SNRNP200: variants seen among roughly 807,000 people sequenced by gnomAD.
SNRNP200 encodes small nuclear ribonucleoprotein U5 subunit 200, also known as U5 small nuclear ribonucleoprotein 200 kDa helicase.
SNRNP200 carries 66 observed loss-of-function variants against 255.2 expected under a neutral mutation model. The ratio of observed to expected loss-of-function variants is 0.26; its 90% CI spans 0.21 to 0.32. The LOEUF (loss-of-function observed/expected upper bound fraction) is 0.32, where lower values mean the gene tolerates loss of function less well. Among genes scored for constraint, SNRNP200 ranks in the 10% least tolerant of loss-of-function variants. The pLI, the probability that SNRNP200 is intolerant of heterozygous loss-of-function variation, is 1.00. For synonymous variants in SNRNP200, 939 were observed against 1,027.8 expected (o/e 0.91, Z 1.65); for missense variants, 1,585 against 2,749.8 (o/e 0.58, Z 9.47).
chr2:96,291,419 C>T lies in SNRNP200; in HGVS notation c.2394G>A (p.Glu798=). The T allele has an allele frequency of 2.5e-6, 4 of 1,611,258 alleles. No homozygotes were observed. Among genetic ancestry groups the T allele is most frequent in the South Asian group, 1.1e-5 (1 of 91,036 alleles). The stretch of plus-strand genomic sequence containing the variant: ...GAATATGTTTATCAGCAAAAAGATC[C>T]TCCACGAGTGTTCGGTCAACCCTGG... The part of the protein sequence containing the change: ...GMTRVDRTLV[E]DLFADKHIQV... Residue 798 remains glutamate, a synonymous_variant, in exon 18 of 45, where the codon GAG becomes GAA. Coordinates refer to ENST00000323853, the MANE Select transcript of SNRNP200 (RefSeq NM_014014.5). The surrounding 1 kb of genome is among the most constrained non-coding windows in gnomAD (Gnocchi z 4.2).
At chr2:96,296,086 T>C (rs901614513) in intron 13 of SNRNP200, among the ~76,000 whole-genome samples, 1 of 152,174 alleles carries the variant, frequency 6.6e-6, no homozygotes, top group South Asian at 2.1e-4. Flanking sequence ...TGAGCCATGA[T>C]TGTGCCATTG....
At position 96,287,062 on chromosome 2, in the gene SNRNP200, G is replaced by A. The variant is rs752513642; in HGVS notation, c.3583C>T (p.Arg1195Cys). The change falls in exon 27 of 45, where the codon CGC (arginine) becomes TGC (cysteine). Residue 1195 changes from arginine (R) to cysteine (C), a missense_variant. Coordinates refer to ENST00000323853, the MANE Select transcript of SNRNP200 (RefSeq NM_014014.5). This position sits in a 1 kb window ranked among gnomAD's most constrained non-coding sequence, Gnocchi z 5.7. ...GTCAGCTCCACCTTCAGGGTGGAGC[G>A]TGTGATAGGCTGCAGGTGCACTGAC... ...ELSVHLQPIT[R>C]STLKVELTIT... is the part of the protein sequence containing the mutation. 2 of 1,614,008 alleles carry A rather than the reference G, an allele frequency of 1.2e-6. No homozygotes were observed. Among genetic ancestry groups the A allele is most frequent in the South Asian group, 1.1e-5 (1 of 91,080 alleles).
chr2:96,296,502 C>T (rs1016329049), intron 13 of SNRNP200, 34 bp downstream of exon 13: 15 of 1,611,366 alleles, frequency 9.3e-6, no homozygotes, highest in Non-Finnish European at 1.3e-5. Flanking sequence ...TAGGTGCACC[C>T]AGTATCCTCT....
At position 96,283,999 on chromosome 2, in the gene SNRNP200, G is replaced by T; in HGVS notation, c.4398C>A (p.Val1466=). 1 of 977,602 alleles carries T rather than the reference G, an allele frequency of 1.0e-6. No individual in the cohort carries two copies. Among genetic ancestry groups the T allele is most frequent in the South Asian group, 1.3e-5 (1 of 75,966 alleles). 60.6% of individuals were successfully genotyped at this position (977,602 alleles called of 1,614,324 possible). Residue 1466 remains valine, a synonymous_variant, in exon 32 of 45, where the codon GTC becomes GTA. Coordinates refer to ENST00000323853, the MANE Select transcript of SNRNP200 (RefSeq NM_014014.5). The surrounding 1 kb of genome is among the most constrained non-coding windows in gnomAD (Gnocchi z 4.7). ...VHLIGGENGP[V]LEVICSRMRY... ...GCATTCGGGAGCAGATCACTTCTAAGACAGGCTGGAAAGAGGGAGGGAGGG... is the reference window on the plus strand; with the variant it reads ...GCATTCGGGAGCAGATCACTTCTAATACAGGCTGGAAAGAGGGAGGGAGGG...
Position 96,274,925 on chromosome 2 carries a change from C to A in SNRNP200, c.*87G>T. 6.5e-7 allele frequency: 1 copy of A among 1,530,776 alleles called. No homozygotes were observed. The highest frequency in any genetic ancestry group is 9.0e-7 in the Non-Finnish European group (1 of 1,109,656). The allele number at this position is 1,530,776 out of a possible 1,614,324, so 94.8% of individuals were successfully genotyped here. On this transcript the variant is annotated 3_prime_UTR_variant, in exon 45 of 45. Transcript: ENST00000323853. ...CTGGCCAGACCTGAGGCCCACAGAC[C>A]TGGTCCCCACAACCAGGATTCCTAC...
In SNRNP200 at chr2:96,284,322, C is replaced by T. The variant is rs372561979; in HGVS notation, c.4392+36G>A. On this transcript the variant is annotated intron_variant, in intron 31 of 44. Transcript: ENST00000323853. ...CAATGCCAAGGCCACTTGGTCAGTCCCAGTCCCTCATCTGTGCTGCAAGGT... is the reference window on the plus strand; with the variant it reads ...CAATGCCAAGGCCACTTGGTCAGTCTCAGTCCCTCATCTGTGCTGCAAGGT... 2.4e-5 allele frequency: 38 copies of T among 1,574,848 alleles called. No homozygotes were observed. The African/African-American group carries it at 4.7e-4, about 20-fold the overall frequency.
chr2:96,275,482 AGATTT>A (rs1450200258), intron 43 of SNRNP200, 133 bp from the exon 44 acceptor site: 1 of 787,498 alleles, frequency 1.3e-6, no homozygotes, highest in Non-Finnish European at 2.2e-6. Flanking sequence ...AAATACAATT[AGATTT>A]AACATTTTAA....
chr2:96,276,972 C>A lies in SNRNP200; in HGVS notation c.6106G>T (p.Val2036Leu). Residue 2036 changes from valine to leucine, a missense_variant, in exon 43 of 45, where the codon GTG becomes TTG. By Grantham distance (32) the Val-to-Leu change is conservative (BLOSUM62 1). Transcript: ENST00000323853. ...KDSIRSGGPV[V>L]VLVQLEREEE... ...TCTCGCTCCAGCTGCACCAGCACCA[C>A]AACTGGCCCGCCACTGCAGGGGGAG... The A allele has an allele frequency of 6.2e-7, 1 of 1,613,950 alleles. No homozygotes were observed. The highest frequency in any genetic ancestry group is 8.5e-7 in the Non-Finnish European group (1 of 1,180,038).
rs1301586766 is a variant in SNRNP200, at chr2:96,279,126, C to T, written c.5134-128G>A. 1.3e-4 allele frequency: 104 copies of T among 778,130 alleles called. No homozygotes were observed. In the South Asian group the frequency reaches 1.5e-3, roughly 11 times the overall value. 48.2% of individuals were successfully genotyped at this position (778,130 alleles called of 1,614,324 possible). A position where few individuals can be genotyped will look rare whatever the true frequency, so the allele number is the denominator to read the frequency against. Reference sequence around the variant, plus strand: ...ACTAATACCAAAATGGAAGAAGCCACACATTTAGAAAGTGCATCACTGGTG... The same window carrying T: ...ACTAATACCAAAATGGAAGAAGCCATACATTTAGAAAGTGCATCACTGGTG... On this transcript the variant is annotated intron_variant, in intron 36 of 44. Transcript: ENST00000323853.
intron 13 of SNRNP200, among the ~76,000 whole-genome samples, chr2:96,296,320 C>T (rs936719497): frequency 2.0e-5 from 3 of 152,152 alleles, no homozygotes; most frequent in African/African-American, 7.2e-5. Flanking sequence ...AGATGCTAAC[C>T]CTTGTAAAAG....
Position 96,277,913 on chromosome 2 carries a change from T to C in SNRNP200, c.5648A>G (p.Lys1883Arg). 6.2e-7 allele frequency: 1 copy of C among 1,614,210 alleles called. No homozygotes were observed. The highest frequency in any genetic ancestry group is 8.5e-7 in the Non-Finnish European group (1 of 1,180,044). Residue 1883 changes from lysine (K) to arginine (R), a missense_variant, in exon 40 of 45, where the codon AAG (lysine) becomes AGG (arginine). Lys to Arg is a conservative substitution (Grantham distance 26). Around this residue, in one of 9 missense-constraint regions of SNRNP200, gnomAD observed 279 missense variants for 551.2 expected, o/e 0.51. Coordinates refer to ENST00000323853, the MANE Select transcript of SNRNP200 (RefSeq NM_014014.5). The surrounding 1 kb of genome is among the most constrained non-coding windows in gnomAD (Gnocchi z 4.4). ...QKVPHKLNNP[K>R]FNDPHVKTNL... ...GGTCTTGACGTGCGGATCATTGAACTTAGGGTTATTCAGCTTGTGGGGGAC... is the reference window on the plus strand; with the variant it reads ...GGTCTTGACGTGCGGATCATTGAACCTAGGGTTATTCAGCTTGTGGGGGAC...
At position 96,277,249 on chromosome 2, in the gene SNRNP200, G is replaced by C; in HGVS notation, c.5932-8C>G. On this transcript the variant is annotated splice_polypyrimidine_tract_variant and splice_region_variant and intron_variant, in intron 41 of 44. Coordinates refer to ENST00000323853, the MANE Select transcript of SNRNP200 (RefSeq NM_014014.5). This position sits in a 1 kb window ranked among gnomAD's most constrained non-coding sequence, Gnocchi z 4.4. ...GAAAACACTCTCCACTCCCTGCAGTGAGTATTCAGACGTCAGGAAAGAGAG... is the reference window on the plus strand; with the variant it reads ...GAAAACACTCTCCACTCCCTGCAGTCAGTATTCAGACGTCAGGAAAGAGAG... 6.2e-7 allele frequency: 1 copy of C among 1,614,022 alleles called. No homozygotes were observed. Among genetic ancestry groups the C allele is most frequent in the Non-Finnish European group, 8.5e-7 (1 of 1,179,968 alleles).
Position 96,293,013 on chromosome 2 carries a change from T to G in SNRNP200, c.2119A>C (p.Ile707Leu), listed in dbSNP as rs971636955. 1 of 1,614,058 alleles carries G rather than the reference T, an allele frequency of 6.2e-7. No homozygotes were observed. The highest frequency in any genetic ancestry group is 1.3e-5 in the African/African-American group (1 of 74,926). ...TGTTCCATGATTTTTTCATAGACGA[T>G]TTCATTCATGATCTGGAAACGCTTG... ...AIKRFQIMNE[I>L]VYEKIMEHAG... Residue 707 changes from isoleucine to leucine, a missense_variant, in exon 16 of 45, where the codon ATC (isoleucine) becomes CTC (leucine). By Grantham distance (5) the Ile-to-Leu change is conservative. Transcript: ENST00000323853.
chr2:96,276,860 A>T (rs781533468), intron 43 of SNRNP200, 44 bp downstream of exon 43: 2 of 1,570,232 alleles, frequency 1.3e-6, no homozygotes, highest in Non-Finnish European at 1.8e-6. Context: ...TAGCCAATGG[A>T]TAGGGTGAGT....
chr2:96,299,362 G>A lies in SNRNP200; in HGVS notation c.696C>T (p.Asp232=), dbSNP rs144761908. ...AGAGGGTGCAGCGCACGACAGCCTC[G>A]TCCCCTTCCATGTCATCATCAGATG... ...EEASDDDMEG[D]EAVVRCTLSA... Residue 232 remains aspartate, a synonymous_variant, in exon 6 of 45, where the codon GAC becomes GAT. Transcript: ENST00000323853. 39 of 1,614,016 alleles carry A rather than the reference G, an allele frequency of 2.4e-5. No homozygotes were observed. The highest frequency in any genetic ancestry group is 2.3e-4 in the African/African-American group (17 of 75,032).
Position 96,290,446 on chromosome 2 carries a change from C to T in SNRNP200, c.2622G>A (p.Gly874=). ...GGAGGGACAGGTAGTACTGTAGCTCCCCATGAGATGTGATGAGTATGCCTT... is the reference window on the plus strand; with the variant it reads ...GGAGGGACAGGTAGTACTGTAGCTCTCCATGAGATGTGATGAGTATGCCTT... ...KGEGILITSH[G]ELQYYLSLLN... Residue 874 remains glycine, a synonymous_variant, in exon 20 of 45, where the codon GGG becomes GGA. Transcript: ENST00000323853. The surrounding 1 kb of genome is among the most constrained non-coding windows in gnomAD (Gnocchi z 4.5). The T allele has an allele frequency of 6.2e-7, 1 of 1,614,160 alleles. No homozygotes were observed. The highest frequency in any genetic ancestry group is 8.5e-7 in the Non-Finnish European group (1 of 1,180,028).
At position 96,277,492 on chromosome 2, in the gene SNRNP200, G is replaced by A. The variant is rs188004395; in HGVS notation, c.5931+47C>T. On this transcript the variant is annotated intron_variant, in intron 41 of 44. Transcript: ENST00000323853. The surrounding 1 kb of genome is among the most constrained non-coding windows in gnomAD (Gnocchi z 4.4). ...CAACCCACGCTCGGTCCACAACACT[G>A]GGCTCTCAGGCTCACCCACCTGACC... is the stretch of plus-strand genomic sequence containing the variant. The A allele has an allele frequency of 1.2e-6, 2 of 1,606,430 alleles. No individual in the cohort carries two copies. The highest frequency in any genetic ancestry group is 3.3e-5 in the Admixed American group (2 of 59,990).
At chr2:96,294,941 T>C (rs1010874697) in intron 14 of SNRNP200, among the ~76,000 whole-genome samples, 5 of 152,318 alleles carry the variant, frequency 3.3e-5, no homozygotes, top group Middle Eastern at 3.4e-3. Context: ...CTAGGCGCAG[T>C]GGCTCACGCT....
At chr2:96,300,712 C>T (rs905486872) in intron 5 of SNRNP200, among the ~76,000 whole-genome samples, 2 of 151,446 alleles carry the variant, frequency 1.3e-5, no homozygotes, top group Admixed American at 1.3e-4. Context: ...TGCAGTGAGC[C>T]GAGATCGCAC....
Sources: gnomAD v4.1 joint callset for allele counts (sites outside exome capture counted in the v4.1 genomes callset) on GRCh38, gnomAD v4.1.1 for gene constraint, gnomAD v4.1.1 regional missense constraint, Gnocchi (gnomAD v3.1) non-coding constraint, MANE v1.5 for transcripts, NCBI Gene and HGNC (gene_info 2026-07-23, HGNC 2026-07-21) for gene names.